Variants in ZC3H12B observed in about 807,000 individuals in gnomAD.
ZC3H12B encodes the protein probable ribonuclease ZC3H12B.
In ZC3H12B, 7 loss-of-function variants were observed where a neutral mutation model predicts 43.9. The ratio of observed to expected loss-of-function variants is 0.16; its 90% CI spans 0.09 to 0.30. The LOEUF is 0.30. ZC3H12B is among the 10% of genes least tolerant of loss of function. The pLI is 1.00. For synonymous variants in ZC3H12B, 222 were observed against 241.7 expected, an observed-to-expected ratio of 0.92 and a Z score of 0.76; for missense variants, 475 against 670.2, an observed-to-expected ratio of 0.71 and a Z score of 3.22.
At chrX:65,040,113 A>G in the ZC3H12B span, among the ~76,000 whole-genome samples, 1 of 111,653 alleles carries the variant, frequency 9.0e-6, no homozygotes, top group Non-Finnish European at 1.9e-5. Flanking sequence ...ATTTCTTACC[A>G]TCTTTTTGGA....
chrX:65,303,024 C>A, the ZC3H12B span, among the ~76,000 whole-genome samples: 2 of 111,359 alleles, frequency 1.8e-5, no homozygotes, highest in African/African-American at 6.5e-5. Context: ...GATCACAAAC[C>A]TAAAGGTTAA....
At chrX:65,299,416 A>T in the ZC3H12B span, among the ~76,000 whole-genome samples, 1 of 112,151 alleles carries the variant, frequency 8.9e-6, no homozygotes, top group Admixed American at 9.5e-5. Context: ...CCAACTATAT[A>T]TAAAAAATAA....
chrX:65,086,036 CTAA>C, the ZC3H12B span, among the ~76,000 whole-genome samples: 4 of 104,095 alleles, frequency 3.8e-5, no homozygotes, highest in Non-Finnish European at 7.7e-5. Flanking sequence ...ACCAATTGTG[CTAA>C]TAATGTCTTT....
the ZC3H12B span, among the ~76,000 whole-genome samples, chrX:65,150,070 T>C: frequency 9.0e-6 from 1 of 110,792 alleles, no homozygotes; most frequent in Non-Finnish European, 1.9e-5. Flanking sequence ...GTTTTATTTT[T>C]ATTTTACTCC....
the ZC3H12B span, among the ~76,000 whole-genome samples, chrX:65,310,524 A>G: frequency 8.9e-6 from 1 of 112,209 alleles, no homozygotes; most frequent in African/African-American, 3.2e-5. Flanking sequence ...AGAACATTCT[A>G]TGCTCATGGA....
the ZC3H12B span, among the ~76,000 whole-genome samples, chrX:65,236,556 G>T: frequency 9.0e-6 from 1 of 111,330 alleles, no homozygotes; most frequent in Non-Finnish European, 1.9e-5. Context: ...ACTTAACTAG[G>T]TCCCATTTGT....
At chrX:65,444,649 G>A (rs765739854) in intron 3 of ZC3H12B, among the ~76,000 whole-genome samples, 1 of 112,005 alleles carries the variant, frequency 8.9e-6, no homozygotes, top group African/African-American at 3.2e-5. Flanking sequence ...GTAGAGTGGG[G>A]TGTTACTGAA....
chrX:65,068,576 G>A, the ZC3H12B span, among the ~76,000 whole-genome samples: 12 of 111,589 alleles, frequency 1.1e-4, no homozygotes, highest in South Asian at 7.4e-4. Context: ...TGTACTGTCC[G>A]TGTCTTAAAA....
the ZC3H12B span, chrX:65,357,321 G>A: frequency 3.4e-5 from 9 of 263,130 alleles, no homozygotes; most frequent in South Asian, 3.7e-4. Flanking sequence ...GAAACTCTTC[G>A]GGATTTTGGG....
At chrX:65,271,287 T>G in the ZC3H12B span, 1 of 112,390 alleles carries the variant, frequency 8.9e-6, no homozygotes, top group Non-Finnish European at 1.9e-5. Flanking sequence ...TAGAAGGCTT[T>G]GGGAAATGGT....
chrX:65,238,851 G>A, the ZC3H12B span, among the ~76,000 whole-genome samples: 1 of 111,703 alleles, frequency 9.0e-6, no homozygotes, highest in African/African-American at 3.3e-5. Flanking sequence ...ACCCAGGAGT[G>A]ATTCAGGAGC....
chrX:65,239,623 G>C, the ZC3H12B span, among the ~76,000 whole-genome samples: 4 of 111,770 alleles, frequency 3.6e-5, no homozygotes, highest in African/African-American at 1.3e-4. Context: ...ATGTTATGAT[G>C]GTAGCTGTTT....
chrX:65,153,772 C>T, the ZC3H12B span, among the ~76,000 whole-genome samples: 7 of 111,555 alleles, frequency 6.3e-5, no homozygotes, highest in Admixed American at 2.9e-4. Context: ...TATAAAGACA[C>T]ATGCACATGT....
At chrX:65,394,304 A>C (rs1002042866) in intron 2 of ZC3H12B, among the ~76,000 whole-genome samples, 4 of 112,114 alleles carry the variant, frequency 3.6e-5, no homozygotes, top group African/African-American at 1.3e-4. Context: ...GGTATTGCCT[A>C]GGCTTTCTTC....
At chrX:65,262,824 T>C in the ZC3H12B span, among the ~76,000 whole-genome samples, 6 of 110,709 alleles carry the variant, frequency 5.4e-5, no homozygotes, top group Admixed American at 9.7e-5. Flanking sequence ...TCAGTAAATA[T>C]ATTAAATATC....
At chrX:65,096,463 G>C in the ZC3H12B span, among the ~76,000 whole-genome samples, 1 of 112,153 alleles carries the variant, frequency 8.9e-6, no homozygotes. Context: ...AATGTAAGCA[G>C]AGACATGGAA....
intron 3 of ZC3H12B, among the ~76,000 whole-genome samples, chrX:65,421,502 C>A (rs775462350): frequency 9.0e-5 from 10 of 111,631 alleles, no homozygotes; most frequent in Non-Finnish European, 5.7e-5. Flanking sequence ...AGGGAAGGAG[C>A]AGAATTTTGT....
chrX:65,241,092 T>G, the ZC3H12B span, among the ~76,000 whole-genome samples: 1 of 111,969 alleles, frequency 8.9e-6, no homozygotes, highest in African/African-American at 3.2e-5. Flanking sequence ...GTGTGCTGCA[T>G]TGGGTGTAAC....
chrX:65,456,676 G>A lies in ZC3H12B; in HGVS notation n.408-31970G>A, dbSNP rs781472450. On this transcript the variant is annotated intron_variant and non_coding_transcript_variant, in intron 3 of 5. Transcript: ENST00000617377. ...CCGGGCTGGTCTCCAGCTCCTAACCGCGAGTGATCAGCCAGCCTCGGCCTC... is the reference window on the plus strand; with the variant it reads ...CCGGGCTGGTCTCCAGCTCCTAACCACGAGTGATCAGCCAGCCTCGGCCTC... 6.0e-4 allele frequency among the ~76,000 whole-genome samples: 64 copies of A among 106,518 alleles called. No homozygotes were observed. In the East Asian group the frequency reaches 6.8e-3, roughly 11 times the overall value. The allele number at this position is 106,518 out of a possible 115,157, so 92.5% of individuals were successfully genotyped here.
Sources: gnomAD v4.1 joint callset for allele counts (sites outside exome capture counted in the v4.1 genomes callset) on GRCh38, gnomAD v4.1.1 for gene constraint, MANE v1.5 for transcripts, NCBI Gene and HGNC (gene_info 2026-07-23, HGNC 2026-07-21) for gene names.